SLC5A2: variants seen among roughly 807,000 people sequenced by gnomAD.
SLC5A2 encodes solute carrier family 5 member 2, also known as sodium/glucose cotransporter 2.
SLC5A2 carries 67 observed loss-of-function variants against 69.0 expected under a neutral mutation model. The observed-to-expected ratio is 0.97, with a 90% CI of 0.80 to 1.19. The LOEUF (loss-of-function observed/expected upper bound fraction) is 1.19, where lower values mean the gene tolerates loss of function less well. Ranked by LOEUF, SLC5A2 falls within the 50% of genes most tolerant of loss-of-function variation. The probability of loss-of-function intolerance (pLI) is 0.00; values close to 1 mark genes in which losing one functional copy is unlikely to be tolerated. For synonymous variants in SLC5A2, 455 were observed against 395.8 expected (o/e 1.15, Z -1.78); for missense variants, 1,001 against 921.5 (o/e 1.09, Z -1.12).
chr16:31,486,854 G>A (rs979625896), intron 5 of SLC5A2, among the ~76,000 whole-genome samples: 4 of 152,214 alleles, frequency 2.6e-5, no homozygotes, highest in African/African-American at 9.7e-5. Flanking sequence ...AGACCAGCCT[G>A]GCCAACATGG....
At chr16:31,490,271 T>C in intron 13 of SLC5A2, 38 bp from the exon 14 acceptor site, 1 of 1,613,700 alleles carries the variant, frequency 6.2e-7, no homozygotes, top group Non-Finnish European at 8.5e-7. Flanking sequence ...AGGAGCTGAG[T>C]TCCCGCAAAC....
In SLC5A2 at chr16:31,488,432, G is replaced by C. The variant is rs376726637; in HGVS notation, c.1071G>C (p.Thr357=). Residue 357 remains threonine (T), a synonymous_variant, in exon 9 of 14, where the codon ACG becomes ACC. Coordinates refer to ENST00000330498, the MANE Select transcript of SLC5A2 (RefSeq NM_003041.4). ...VPEVCRRVCG[T]EVGCSNIAYP... is the part of the protein sequence containing the mutation. ...AGGTGTGCAGGCGCGTGTGCGGCAC[G>C]GAGGTGGGCTGCTCCAACATCGCCT... is the stretch of plus-strand genomic sequence containing the variant. 2.1e-5 allele frequency: 34 copies of C among 1,611,646 alleles called. No individual in the cohort carries two copies. In the Admixed American group the frequency reaches 2.3e-4, roughly 11 times the overall value.
rs201082781 is a variant in SLC5A2, at chr16:31,485,693, C to A, written c.304-36C>A. ...GAGGTCAGATCCTCAGGGATGAGGG[C>A]AAAGCCACCCTCAGCGGCAGTACTG... On this transcript the variant is annotated intron_variant, in intron 3 of 13. Transcript: ENST00000330498. 6.0e-4 allele frequency: 958 copies of A among 1,608,264 alleles called. 6 individuals are homozygous for A. In the African/African-American group the frequency reaches 0.012, roughly 20 times the overall value.
intron 10 of SLC5A2, 38 bp from the exon 11 acceptor site, chr16:31,488,841 GC>G (rs1567390726): frequency 6.2e-7 from 1 of 1,602,146 alleles, no homozygotes; most frequent in South Asian, 1.1e-5. Flanking sequence ...CTGCAGGGGA[GC>G]CCAGGGTCCG....
chr16:31,486,023 G>A, intron 4 of SLC5A2, 130 bp downstream of exon 4: 2 of 1,222,250 alleles, frequency 1.6e-6, no homozygotes. Flanking sequence ...GGCAGAGCCT[G>A]CAATGAATGT....
Position 31,489,000 on chromosome 16 carries a change from G to A in SLC5A2, c.1401G>A (p.Val467=), listed in dbSNP as rs779989918. ...TCTCTAGCTACCTGGCACCGCCCGTGTCCGCCGTCTTCGTGCTGGCGCTCT... is the reference window on the plus strand; with the variant it reads ...TCTCTAGCTACCTGGCACCGCCCGTATCCGCCGTCTTCGTGCTGGCGCTCT... ...QAVSSYLAPP[V]SAVFVLALFV... is the part of the protein sequence containing the mutation. The change falls in exon 11 of 14, where the codon GTG becomes GTA. Residue 467 remains valine (V), a synonymous_variant. Transcript: ENST00000330498. The A allele has an allele frequency of 1.2e-6, 2 of 1,600,826 alleles. No homozygotes were observed. Among genetic ancestry groups the A allele is most frequent in the South Asian group, 2.2e-5 (2 of 91,082 alleles).
chr16:31,486,705 G>T (rs2082498469), intron 5 of SLC5A2, among the ~76,000 whole-genome samples: 1 of 152,204 alleles, frequency 6.6e-6, no homozygotes, highest in African/African-American at 2.4e-5. Context: ...AGAAGGAACG[G>T]AACTGAGTAT....
intron 10 of SLC5A2, 40 bp from the exon 11 acceptor site, chr16:31,488,840 A>G: frequency 3.7e-6 from 6 of 1,601,806 alleles, no homozygotes; most frequent in Non-Finnish European, 5.1e-6. Flanking sequence ...CCTGCAGGGG[A>G]GCCCAGGGTC....
chr16:31,488,659 G>A lies in SLC5A2; in HGVS notation c.1167G>A (p.Ala389=). ...TCATGCTGGCGGTCATGCTGGCCGCGCTCATGTCCTCGCTGGCCTCCATCT... is the reference window on the plus strand; with the variant it reads ...TCATGCTGGCGGTCATGCTGGCCGCACTCATGTCCTCGCTGGCCTCCATCT... ...RGLMLAVMLA[A]LMSSLASIFN... The change falls in exon 10 of 14, where the codon GCG becomes GCA. Residue 389 remains alanine (A), a synonymous_variant. Transcript: ENST00000330498. 2.5e-6 allele frequency: 4 copies of A among 1,612,314 alleles called. No homozygotes were observed. Among genetic ancestry groups the A allele is most frequent in the Non-Finnish European group, 3.4e-6 (4 of 1,179,542 alleles).
At chr16:31,487,277 A>G (rs1179695885) in intron 5 of SLC5A2, 43 bp from the exon 6 acceptor site, 22 of 1,590,862 alleles carry the variant, frequency 1.4e-5, no homozygotes, top group Non-Finnish European at 1.8e-5. Flanking sequence ...GCCAGCCTGT[A>G]ACATAAACAG....
Position 31,487,658 on chromosome 16 carries a change from T to C in SLC5A2, c.784T>C (p.Ser262Pro). 5 of 1,613,774 alleles carry C rather than the reference T, an allele frequency of 3.1e-6. No homozygotes were observed. Among genetic ancestry groups the C allele is most frequent in the Non-Finnish European group, 4.2e-6 (5 of 1,179,984 alleles). Reference protein sequence around the residue: ...SSFCYRPRPDSYHLLRHPVTG... With the variant: ...SSFCYRPRPDPYHLLRHPVTG... ...CTTCTGCTATCGACCCCGGCCCGAC[T>C]CCTACCACCTGCTCCGGCACCCCGT... Residue 262 changes from serine to proline, a missense_variant, in exon 7 of 14, where the codon TCC becomes CCC. Physicochemically the swap from Ser to Pro is moderately conservative, Grantham distance 74. Transcript: ENST00000330498.
At position 31,488,148 on chromosome 16, in the gene SLC5A2, C is replaced by A; in HGVS notation, c.996C>A (p.Gly332=). Residue 332 remains glycine, a synonymous_variant, in exon 8 of 14, where the codon GGC becomes GGA. Transcript: ENST00000330498. ...CCATGTTTCTCATGGTCATGCCAGG[C>A]ATGATCAGCCGCATTCTGTACCCAG... ...LTPMFLMVMP[G]MISRILYPDE... The A allele has an allele frequency of 1.2e-6, 2 of 1,614,098 alleles. 1 individual carries two copies. The highest frequency in any genetic ancestry group is 2.2e-5 in the South Asian group (2 of 91,088).
intron 10 of SLC5A2, 36 bp from the exon 11 acceptor site, chr16:31,488,844 C>G (rs766941534): frequency 6.2e-7 from 1 of 1,602,292 alleles, no homozygotes; most frequent in African/African-American, 1.3e-5. Flanking sequence ...CAGGGGAGCC[C>G]AGGGTCCGGG....
Position 31,488,945 on chromosome 16 carries a change from G to A in SLC5A2, c.1346G>A (p.Gly449Asp), listed in dbSNP as rs768392222. 4 of 1,603,940 alleles carry A rather than the reference G, an allele frequency of 2.5e-6. No homozygotes were observed. Among genetic ancestry groups the A allele is most frequent in the East Asian group, 4.5e-5 (2 of 44,868 alleles). ...CTTCCCGTGGTGCAGGCGGCACAGG[G>A]CGGGCAGCTCTTCGATTACATCCAG... ...AWLPVVQAAQGGQLFDYIQAV... is the reference protein window; with the variant it reads ...AWLPVVQAAQDGQLFDYIQAV... Residue 449 changes from glycine (G) to aspartate (D), a missense_variant, in exon 11 of 14, where the codon GGC becomes GAC. Gly to Asp is a moderately conservative substitution (Grantham distance 94). Transcript: ENST00000330498.
At position 31,484,891 on chromosome 16, in the gene SLC5A2, A is replaced by G. The variant is rs374586198; in HGVS notation, c.271A>G (p.Ser91Gly). ...GGGCCTGGCAGGGACTGGCGCTGCA[A>G]GTGGCTTGGCTGTTGCTGGATTCGA... ...FVGLAGTGAA[S>G]GLAVAGFEWN... The change falls in exon 3 of 14, where the codon AGT (serine) becomes GGT (glycine). Residue 91 changes from serine (S) to glycine (G), a missense_variant. Physicochemically the swap from Ser to Gly is moderately conservative, Grantham distance 56. Coordinates refer to ENST00000330498, the MANE Select transcript of SLC5A2 (RefSeq NM_003041.4). The G allele has an allele frequency of 2.5e-6, 4 of 1,614,092 alleles. No homozygotes were observed. In the African/African-American group the frequency reaches 4.0e-5, roughly 16 times the overall value.
Position 31,488,890 on chromosome 16 carries a change from G to T in SLC5A2, c.1291G>T (p.Val431Leu). Residue 431 changes from valine (V) to leucine (L), a missense_variant, in exon 11 of 14, where the codon GTG (valine) becomes TTG (leucine). Val to Leu is a conservative substitution (Grantham distance 32). Transcript: ENST00000330498. ...ELLLVGRLWV[V>L]FIVVVSVAWL... ...CGGCCTCCGCCGCAGGCTCTGGGTGGTGTTCATCGTGGTAGTGTCGGTGGC... is the reference window on the plus strand; with the variant it reads ...CGGCCTCCGCCGCAGGCTCTGGGTGTTGTTCATCGTGGTAGTGTCGGTGGC... 1 of 1,605,440 alleles carries T rather than the reference G, an allele frequency of 6.2e-7. No individual in the cohort carries two copies. Among genetic ancestry groups the T allele is most frequent in the East Asian group, 2.2e-5 (1 of 44,864 alleles).
chr16:31,489,339 G>C lies in SLC5A2; in HGVS notation c.1665+1G>C. 1.2e-6 allele frequency: 2 copies of C among 1,606,806 alleles called. No homozygotes were observed. The highest frequency in any genetic ancestry group is 1.7e-6 in the Non-Finnish European group (2 of 1,179,702). On this transcript the variant is annotated splice_donor_variant, in intron 12 of 13. Coordinates refer to ENST00000330498, the MANE Select transcript of SLC5A2 (RefSeq NM_003041.4). LOFTEE classifies it high-confidence loss of function. ...CACCGCGCCCATCCCCAGAAAGCAC[G>C]TGAGTGGCCAGGTGCCCCAGGCAAG...
chr16:31,489,752 G>A (rs777954187), intron 12 of SLC5A2: 1 of 445,424 alleles, frequency 2.2e-6, no homozygotes, highest in African/African-American at 2.0e-5. Flanking sequence ...GGATGGCCGG[G>A]TTTCTGCAGC....
At chr16:31,488,299 C>T in intron 8 of SLC5A2, 84 bp from the exon 9 acceptor site, 5 of 1,599,764 alleles carry the variant, frequency 3.1e-6, no homozygotes, top group Non-Finnish European at 3.4e-6. Context: ...TCGCACGCCT[C>T]CTCTGCTAGG....
Sources: gnomAD v4.1 joint callset for allele counts (sites outside exome capture counted in the v4.1 genomes callset) on GRCh38, gnomAD v4.1.1 for gene constraint, MANE v1.5 for transcripts, NCBI Gene and HGNC (gene_info 2026-07-23, HGNC 2026-07-21) for gene names.